STAT4: variants seen among roughly 807,000 people sequenced by gnomAD.
STAT4 encodes signal transducer and activator of transcription 4.
Under a neutral mutation model 110.5 loss-of-function variants are expected in STAT4, and 42 were observed. The ratio of observed to expected loss-of-function variants is 0.38; its 90% CI spans 0.30 to 0.49. The LOEUF is 0.49. Among genes scored for constraint, STAT4 ranks in the 20% least tolerant of loss-of-function variants. The pLI is 0.95. For missense variants in STAT4, 632 were observed against 887.9 expected (o/e 0.71, Z 3.66); for synonymous variants, 284 against 302.2 (o/e 0.94, Z 0.63).
At chr2:191,073,538 A>T (rs1331433524) in intron 4 of STAT4, among the ~76,000 whole-genome samples, 2 of 152,164 alleles carry the variant, frequency 1.3e-5, no homozygotes, top group South Asian at 2.1e-4. Flanking sequence ...ATACAAAAAA[A>T]AATTAGCCAG....
chr2:191,148,364 T>C (rs756453936), intron 1 of STAT4, among the ~76,000 whole-genome samples, 160 bp from the exon 2 acceptor site: 5 of 152,194 alleles, frequency 3.3e-5, no homozygotes, highest in East Asian at 1.9e-4. Context: ...TCAACCCTAA[T>C]GAAGGGAGCA....
At chr2:191,079,483 T>G (rs1267322019) in intron 3 of STAT4, among the ~76,000 whole-genome samples, 1 of 152,064 alleles carries the variant, frequency 6.6e-6, no homozygotes, top group Non-Finnish European at 1.5e-5. Context: ...TATAGAAATA[T>G]AATTAATTTT....
intron 5 of STAT4, among the ~76,000 whole-genome samples, chr2:191,071,565 A>G (rs144826082): frequency 1.3e-5 from 2 of 152,336 alleles, no homozygotes; most frequent in South Asian, 2.1e-4. Context: ...AGTCAATGCT[A>G]TGGTAAGTAA....
In STAT4 at chr2:191,112,562, T is replaced by C. The variant is rs1698453266; in HGVS notation, c.273+34051A>G. 6.6e-6 allele frequency among the ~76,000 whole-genome samples: 1 copy of C among 152,224 alleles called. No individual in the cohort carries two copies. Among genetic ancestry groups the C allele is most frequent in the South Asian group, 2.1e-4 (1 of 4,834 alleles). ...CATGCCCTGTGGCACAATCTATATG[T>C]AGTATAGGATAGTGATGAAACCAAA... On this transcript the variant is annotated intron_variant, in intron 3 of 23. Transcript: ENST00000392320. The surrounding 1 kb of genome is among the most constrained non-coding windows in gnomAD (Gnocchi z 4.3).
rs540438118 is a variant in STAT4 at position 191,046,859 on chromosome 2, G to C, written c.1252-5711C>G. Among the ~76,000 whole-genome samples the C allele has an allele frequency of 2.0e-5, 3 of 151,956 alleles. No homozygotes were observed. Among genetic ancestry groups the C allele is most frequent in the Non-Finnish European group, 4.4e-5 (3 of 68,004 alleles). Reference sequence around the variant, plus strand: ...TAGTGATAGGATTGTCTGACACAGAGCTCCTAAATTCCTGGAATTTTCTGG... The same window carrying C: ...TAGTGATAGGATTGTCTGACACAGACCTCCTAAATTCCTGGAATTTTCTGG... On this transcript the variant is annotated intron_variant, in intron 14 of 23. Transcript: ENST00000392320. The surrounding 1 kb of genome is among the most constrained non-coding windows in gnomAD (Gnocchi z 4.6).
intron 3 of STAT4, among the ~76,000 whole-genome samples, chr2:191,121,730 T>A (rs577973624): frequency 7.4e-6 from 1 of 134,472 alleles, no homozygotes; most frequent in Non-Finnish European, 1.5e-5. Context: ...ATGAGAACAC[T>A]TGGACACAGG....
At chr2:191,069,978 T>C (rs920058729) in intron 5 of STAT4, among the ~76,000 whole-genome samples, 2 of 152,182 alleles carry the variant, frequency 1.3e-5, no homozygotes, top group African/African-American at 4.8e-5. Flanking sequence ...CTTCCAGCTA[T>C]TCTCTCTTTT....
chr2:191,083,267 C>A lies in STAT4; in HGVS notation c.274-6942G>T, dbSNP rs576814164. Among the ~76,000 whole-genome samples, 15 of 152,244 alleles carry A rather than the reference C, an allele frequency of 9.9e-5. No homozygotes were observed. Among genetic ancestry groups the A allele is most frequent in the Admixed American group, 9.2e-4 (14 of 15,286 alleles). On this transcript the variant is annotated intron_variant, in intron 3 of 23. Transcript: ENST00000392320. The surrounding 1 kb of genome is among the most constrained non-coding windows in gnomAD (Gnocchi z 4.6). Reference sequence around the variant, plus strand: ...GGAGCCAGTAAGGGTGTGCTGTTAGCCATTTGCTAAGATGGGCTGAGAACC... The same window carrying A: ...GGAGCCAGTAAGGGTGTGCTGTTAGACATTTGCTAAGATGGGCTGAGAACC...
chr2:191,039,310 GA>G lies in STAT4; in HGVS notation c.1336-14del, dbSNP rs749655316. On this transcript the variant is annotated splice_polypyrimidine_tract_variant and intron_variant, in intron 15 of 23. Coordinates refer to ENST00000392320, the MANE Select transcript of STAT4 (RefSeq NM_003151.4). This position sits in a 1 kb window ranked among gnomAD's most constrained non-coding sequence, Gnocchi z 4.7. ...GCAATGAGCTGGTCTGGTTTGGGGG[GA>G]AAAAAGCATAGTTATTACAGGTAGT... The G allele has an allele frequency of 1.6e-5, 26 of 1,611,364 alleles. No individual in the cohort carries two copies. The African/African-American group carries it at 1.9e-4, about 12-fold the overall frequency.
At chr2:191,048,254 G>C (rs779716649) in intron 14 of STAT4, among the ~76,000 whole-genome samples, 17 of 152,184 alleles carry the variant, frequency 1.1e-4, no homozygotes, top group Non-Finnish European at 4.4e-5. Flanking sequence ...TTAAATCTCT[G>C]ATGCAATTGT....
chr2:191,093,679 C>G (rs756733947), intron 3 of STAT4, among the ~76,000 whole-genome samples: 11 of 152,198 alleles, frequency 7.2e-5, no homozygotes, highest in Non-Finnish European at 1.3e-4. Context: ...AGTGCCTCTT[C>G]TCCTCCAAGG....
intron 16 of STAT4, among the ~76,000 whole-genome samples, chr2:191,038,163 T>C (rs1696092351): frequency 6.6e-6 from 1 of 152,158 alleles, no homozygotes; most frequent in Admixed American, 6.5e-5. Flanking sequence ...CATGTGTAGA[T>C]CTAATGGGGA....
At position 191,062,671 on chromosome 2, in the gene STAT4, C is replaced by T; in HGVS notation, c.941+91G>A. ...CCCTGAGGCTCGTTGTTGAATACTT[C>T]CCTGCCACTCTTCCACCTAAACACC... On this transcript the variant is annotated intron_variant, in intron 9 of 23. Coordinates refer to ENST00000392320, the MANE Select transcript of STAT4 (RefSeq NM_003151.4). This position sits in a 1 kb window ranked among gnomAD's most constrained non-coding sequence, Gnocchi z 4.9. 4.2e-6 allele frequency: 6 copies of T among 1,429,522 alleles called. No homozygotes were observed. Among genetic ancestry groups the T allele is most frequent in the Non-Finnish European group, 5.8e-6 (6 of 1,033,868 alleles). 88.6% of individuals were successfully genotyped at this position (1,429,522 alleles called of 1,614,324 possible).
At chr2:191,101,615 A>C (rs1472274745) in intron 3 of STAT4, among the ~76,000 whole-genome samples, 1 of 152,144 alleles carries the variant, frequency 6.6e-6, no homozygotes, top group African/African-American at 2.4e-5. Flanking sequence ...TAGCATTAAC[A>C]TCTCATTCAT....
intron 3 of STAT4, among the ~76,000 whole-genome samples, chr2:191,131,117 T>C (rs1448517901): frequency 2.6e-5 from 4 of 151,716 alleles, no homozygotes; most frequent in Admixed American, 2.6e-4. Flanking sequence ...ATAAGGAAAG[T>C]GTAAATTGGT....
intron 3 of STAT4, among the ~76,000 whole-genome samples, chr2:191,141,295 G>C (rs1271205038): frequency 6.6e-6 from 1 of 151,328 alleles, no homozygotes; most frequent in East Asian, 1.9e-4. Context: ...AAGAAAAAAT[G>C]CTCAACATCA....
chr2:191,055,543 C>T lies in STAT4; in HGVS notation c.1207-1009G>A, dbSNP rs539320982. Reference sequence around the variant, plus strand: ...TAATTTTCTGTATTTTTAGTAGAGACGGGATTTCACCGTGTTAGCCAGGAT... The same window carrying T: ...TAATTTTCTGTATTTTTAGTAGAGATGGGATTTCACCGTGTTAGCCAGGAT... On this transcript the variant is annotated intron_variant, in intron 13 of 23. Coordinates refer to ENST00000392320, the MANE Select transcript of STAT4 (RefSeq NM_003151.4). Among the ~76,000 whole-genome samples, 17 of 151,108 alleles carry T rather than the reference C, an allele frequency of 1.1e-4. No homozygotes were observed. In the East Asian group the frequency reaches 1.6e-3, roughly 14 times the overall value.
chr2:191,083,407 C>T lies in STAT4; in HGVS notation c.274-7082G>A, dbSNP rs1474591874. ...ATTAGCAATGAAAAAAGATGGGATA[C>T]TGGCCGTTGGATTTCTACTTGACTA... On this transcript the variant is annotated intron_variant, in intron 3 of 23. Coordinates refer to ENST00000392320, the MANE Select transcript of STAT4 (RefSeq NM_003151.4). This position sits in a 1 kb window ranked among gnomAD's most constrained non-coding sequence, Gnocchi z 4.6. Among the ~76,000 whole-genome samples, 1 of 152,178 alleles carries T rather than the reference C, an allele frequency of 6.6e-6. No homozygotes were observed. The highest frequency in any genetic ancestry group is 1.5e-5 in the Non-Finnish European group (1 of 68,030).
intron 5 of STAT4, among the ~76,000 whole-genome samples, chr2:191,071,697 T>C (rs1264272110): frequency 6.6e-6 from 1 of 152,206 alleles, no homozygotes; most frequent in Non-Finnish European, 1.5e-5. Context: ...GTAGAGAAAC[T>C]GAGGTTATGG....
Sources: allele counts gnomAD v4.1 joint callset (sites outside exome capture counted in the v4.1 genomes callset), GRCh38; gene constraint gnomAD v4.1.1; non-coding constraint Gnocchi (gnomAD v3.1); transcripts MANE v1.5; gene names NCBI Gene and HGNC (gene_info 2026-07-23, HGNC 2026-07-21).